Variants in STXBP4 observed in about 807,000 individuals in gnomAD.
The protein encoded by STXBP4 is syntaxin binding protein 4.
In STXBP4, 55 loss-of-function variants were observed where a neutral mutation model predicts 76.1. The observed-to-expected ratio is 0.72, with a 90% CI of 0.58 to 0.91. The LOEUF (loss-of-function observed/expected upper bound fraction) is 0.91. Among genes scored for constraint, STXBP4 ranks in the 40% least tolerant of loss-of-function variants. The pLI is 0.00. For missense variants in STXBP4, 618 were observed against 636.9 expected (o/e 0.97, Z 0.32); for synonymous variants, 201 against 220.2 (o/e 0.91, Z 0.77).
At chr17:55,209,068 C>A in the STXBP4 span, among the ~76,000 whole-genome samples, 1 of 152,104 alleles carries the variant, frequency 6.6e-6, no homozygotes, top group South Asian at 2.1e-4. Flanking sequence ...TGCAACAGAG[C>A]AAGACTCCAT....
the STXBP4 span, among the ~76,000 whole-genome samples, chr17:55,186,730 G>T: frequency 6.6e-6 from 1 of 152,116 alleles, no homozygotes; most frequent in East Asian, 1.9e-4. Context: ...AGGTCTCTGT[G>T]ATCTTTTGCC....
chr17:55,198,389 C>G, the STXBP4 span, among the ~76,000 whole-genome samples: 65 of 152,290 alleles, frequency 4.3e-4, no homozygotes, highest in Non-Finnish European at 6.5e-4. Flanking sequence ...CCCTATCCTC[C>G]TGCTTCAGTG....
chr17:55,067,951 G>A (rs2079074040), intron 12 of STXBP4, among the ~76,000 whole-genome samples: 1 of 152,078 alleles, frequency 6.6e-6, no homozygotes, highest in South Asian at 2.1e-4. Flanking sequence ...TCAGAGGTCT[G>A]TTAAAAAGTT....
intron 16 of STXBP4, among the ~76,000 whole-genome samples, chr17:55,138,160 A>T (rs2080056296): frequency 6.6e-6 from 1 of 152,004 alleles, no homozygotes; most frequent in Non-Finnish European, 1.5e-5. Context: ...TGTAGAACTT[A>T]TTCCTATTTT....
intron 16 of STXBP4, among the ~76,000 whole-genome samples, chr17:55,082,165 A>G (rs1171251356): frequency 5.9e-5 from 9 of 152,240 alleles, no homozygotes; most frequent in South Asian, 2.1e-4. Context: ...GTACAGCTAT[A>G]CTAGGATATA....
chr17:55,128,851 G>C (rs1382151340), intron 16 of STXBP4, among the ~76,000 whole-genome samples: 1 of 151,862 alleles, frequency 6.6e-6, no homozygotes, highest in Non-Finnish European at 1.5e-5. Context: ...CTGACCTCAG[G>C]TGATTCGCCC....
chr17:55,008,970 T>C (rs1397678293), intron 8 of STXBP4, among the ~76,000 whole-genome samples: 2 of 152,378 alleles, frequency 1.3e-5, no homozygotes, highest in East Asian at 3.9e-4. Flanking sequence ...CTAACTATTA[T>C]AGTTCGGACC....
At chr17:55,099,182 C>T (rs528329023) in intron 16 of STXBP4, among the ~76,000 whole-genome samples, 105 of 152,276 alleles carry the variant, frequency 6.9e-4, no homozygotes, top group African/African-American at 2.4e-3. Context: ...TTACTCGATT[C>T]AGCTTTTTTG....
chr17:55,014,438 A>G (rs769309363), intron 8 of STXBP4, among the ~76,000 whole-genome samples: 3 of 152,172 alleles, frequency 2.0e-5, no homozygotes, highest in Non-Finnish European at 4.4e-5. Flanking sequence ...CCTAGTTACA[A>G]CTTAGTGGCT....
chr17:55,104,039 G>A (rs7222700), intron 16 of STXBP4, among the ~76,000 whole-genome samples: 7,094 of 152,086 alleles, frequency 0.047, 583 homozygotes, highest in African/African-American at 0.16. Context: ...GAGACAGTGG[G>A]GTTTTCTAAA....
At chr17:54,988,237 C>T (rs574336056) in intron 3 of STXBP4, among the ~76,000 whole-genome samples, 2 of 151,964 alleles carry the variant, frequency 1.3e-5, no homozygotes, top group African/African-American at 2.4e-5. Context: ...ATAGAGAAAA[C>T]GTATTAGCAG....
At chr17:55,119,501 T>C (rs554501057) in intron 16 of STXBP4, among the ~76,000 whole-genome samples, 36 of 152,112 alleles carry the variant, frequency 2.4e-4, no homozygotes, top group African/African-American at 8.2e-4. Flanking sequence ...CATCTGGAAA[T>C]GAGAGCTGAT....
At chr17:55,063,688 T>C (rs1035837752) in intron 12 of STXBP4, among the ~76,000 whole-genome samples, 2 of 152,108 alleles carry the variant, frequency 1.3e-5, no homozygotes, top group East Asian at 3.8e-4. Context: ...TAGAGCAAAA[T>C]CGTCACTTTC....
At chr17:55,147,732 A>G (rs2080173219) in intron 17 of STXBP4, among the ~76,000 whole-genome samples, 1 of 152,244 alleles carries the variant, frequency 6.6e-6, no homozygotes, top group Non-Finnish European at 1.5e-5. Flanking sequence ...GAATAAAACA[A>G]AAGTTTCTGT....
chr17:55,118,809 T>C (rs984367345), intron 16 of STXBP4, among the ~76,000 whole-genome samples: 1 of 151,750 alleles, frequency 6.6e-6, no homozygotes, highest in African/African-American at 2.4e-5. Flanking sequence ...TAAATACATG[T>C]GCTTTTCAGT....
intron 16 of STXBP4, among the ~76,000 whole-genome samples, chr17:55,102,927 T>A (rs1341179518): frequency 1.3e-5 from 2 of 152,232 alleles, no homozygotes; most frequent in Non-Finnish European, 2.9e-5. Context: ...AATGTCTTCC[T>A]TTGAGAAGTG....
intron 17 of STXBP4, among the ~76,000 whole-genome samples, chr17:55,150,692 C>G (rs367942508): frequency 3.0e-4 from 46 of 152,114 alleles, no homozygotes; most frequent in African/African-American, 9.6e-4. Context: ...AGAGTTGATC[C>G]CAATCGGTGC....
chr17:54,997,740 A>G (rs1353548486), intron 4 of STXBP4, among the ~76,000 whole-genome samples: 1 of 142,308 alleles, frequency 7.0e-6, no homozygotes, highest in Non-Finnish European at 1.5e-5. Flanking sequence ...GACTACAGAC[A>G]TGTGCCAGCT....
intron 9 of STXBP4, among the ~76,000 whole-genome samples, chr17:55,033,646 T>C (rs2078549659): frequency 6.6e-6 from 1 of 152,194 alleles, no homozygotes; most frequent in African/African-American, 2.4e-5. Context: ...CACGTGGCCT[T>C]GGACAGTTGA....
Sources: gnomAD v4.1 joint callset for allele counts (sites outside exome capture counted in the v4.1 genomes callset) on GRCh38, gnomAD v4.1.1 for gene constraint, MANE v1.5 for transcripts, NCBI Gene and HGNC (gene_info 2026-07-23, HGNC 2026-07-21) for gene names.